Variants in CSPP1 observed in about 807,000 individuals in gnomAD.
The protein encoded by CSPP1 is centrosome and spindle pole-associated protein 1.
In CSPP1, 126 loss-of-function variants were observed where a neutral mutation model predicts 164.4. The ratio of observed to expected loss-of-function variants is 0.77; its 90% CI spans 0.66 to 0.89. The LOEUF (loss-of-function observed/expected upper bound fraction) is 0.89, where lower values mean the gene tolerates loss of function less well. CSPP1 is among the 40% of genes least tolerant of loss of function. The probability of loss-of-function intolerance (pLI) is 0.00; values close to 1 mark genes in which losing one functional copy is unlikely to be tolerated. For missense variants in CSPP1, 1,395 were observed against 1,449.8 expected (o/e 0.96, Z 0.61); for synonymous variants, 472 against 476.7 (o/e 0.99, Z 0.13).
At chr8:67,192,870 C>A (rs535218023) in intron 29 of CSPP1, among the ~76,000 whole-genome samples, 10 of 152,304 alleles carry the variant, frequency 6.6e-5, no homozygotes, top group Non-Finnish European at 1.5e-4. Context: ...TATGTCAGTA[C>A]CACACTGTCT....
intron 15 of CSPP1, among the ~76,000 whole-genome samples, chr8:67,126,270 G>T (rs1820042734): frequency 6.6e-6 from 1 of 152,226 alleles, no homozygotes; most frequent in South Asian, 2.1e-4. Context: ...CGTATGTATG[G>T]CTTATAATTC....
At chr8:67,113,700 T>C in intron 10 of CSPP1, 105 bp from the exon 11 acceptor site, 4 of 580,588 alleles carry the variant, frequency 6.9e-6, no homozygotes, top group Non-Finnish European at 1.2e-5. Flanking sequence ...TTTGTTTTTG[T>C]AGATGTAGTG....
intron 21 of CSPP1, 88 bp from the exon 22 acceptor site, chr8:67,161,723 T>G: frequency 1.5e-6 from 1 of 655,580 alleles, no homozygotes; most frequent in Non-Finnish European, 2.6e-6. Context: ...TTAGATGACT[T>G]TCTTAACTAT....
intron 29 of CSPP1, among the ~76,000 whole-genome samples, chr8:67,191,312 C>T (rs1836172597): frequency 6.6e-6 from 1 of 152,150 alleles, no homozygotes; most frequent in Non-Finnish European, 1.5e-5. Context: ...GTGTGTGTTT[C>T]CTTATATATG....
chr8:67,119,004 C>G (rs995372006), intron 15 of CSPP1, among the ~76,000 whole-genome samples, 183 bp downstream of exon 15: 9 of 152,162 alleles, frequency 5.9e-5, no homozygotes, highest in African/African-American at 1.9e-4. Flanking sequence ...AACTGAAACT[C>G]TATACCCATT....
At chr8:67,139,684 T>C (rs1823092665) in intron 17 of CSPP1, among the ~76,000 whole-genome samples, 1 of 152,226 alleles carries the variant, frequency 6.6e-6, no homozygotes, top group Admixed American at 6.5e-5. Context: ...TGAGTTCATG[T>C]CCTTTGCAGG....
chr8:67,172,590 G>A (rs748420953), intron 25 of CSPP1, 35 bp downstream of exon 25: 1 of 1,571,572 alleles, frequency 6.4e-7, no homozygotes. Context: ...AGATGTAGCA[G>A]AAGTGTTCTA....
chr8:67,075,628 C>A (rs1219139809), intron 2 of CSPP1, among the ~76,000 whole-genome samples: 1 of 152,210 alleles, frequency 6.6e-6, no homozygotes, highest in African/African-American at 2.4e-5. Context: ...GCTTTGACCC[C>A]TGGCAGCCTG....
chr8:67,118,379 C>G lies in CSPP1; in HGVS notation c.1618+10C>G. 1 of 1,613,138 alleles carries G rather than the reference C, an allele frequency of 6.2e-7. No individual in the cohort carries two copies. The highest frequency in any genetic ancestry group is 1.1e-5 in the South Asian group (1 of 90,974). ...CCCAGTCTTGCTTATTGTAAGTTAT[C>G]TATAGGGTAAGCATTTTCTCCCCGC... On this transcript the variant is annotated intron_variant, in intron 14 of 30. Transcript: ENST00000678616.
chr8:67,190,833 T>G lies in CSPP1; in HGVS notation c.3330+74T>G, dbSNP rs1836026257. ...TCTGGGTTCTGACCTGTGCTAAATC[T>G]GTGTGGCCCAATAAAGAGCACTTGC... On this transcript the variant is annotated intron_variant, in intron 29 of 30. Coordinates refer to ENST00000678616, the MANE Select transcript of CSPP1 (RefSeq NM_001382391.1). 3.8e-6 allele frequency: 4 copies of G among 1,063,628 alleles called. No individual in the cohort carries two copies. The Middle Eastern group carries it at 9.0e-4, about 239-fold the overall frequency. The allele number at this position is 1,063,628 out of a possible 1,614,324, so 65.9% of individuals were successfully genotyped here. A position where few individuals can be genotyped will look rare whatever the true frequency, so the allele number is the denominator to read the frequency against.
intron 21 of CSPP1, among the ~76,000 whole-genome samples, chr8:67,159,509 C>CTTTTTTTTTTTTT (rs1172369424): frequency 4.1e-5 from 2 of 48,912 alleles, no homozygotes; most frequent in Non-Finnish European, 8.2e-5. Context: ...TATATGTATT[C>CTTTTTTTTTTTTT]TTTTTTTTTT....
At chr8:67,164,313 TAGTC>T in intron 23 of CSPP1, 74 bp from the exon 24 acceptor site, 1 of 703,334 alleles carries the variant, frequency 1.4e-6, no homozygotes, top group East Asian at 2.5e-5. Context: ...ACTTTATTAT[TAGTC>T]AGGTTGTGTT....
At chr8:67,107,191 G>T (rs965647730) in intron 9 of CSPP1, among the ~76,000 whole-genome samples, 1 of 152,052 alleles carries the variant, frequency 6.6e-6, no homozygotes, top group African/African-American at 2.4e-5. Flanking sequence ...GGAATTACAG[G>T]CATGTGCCAC....
intron 15 of CSPP1, among the ~76,000 whole-genome samples, chr8:67,125,705 C>T (rs1227664785): frequency 6.6e-6 from 1 of 152,162 alleles, no homozygotes; most frequent in African/African-American, 2.4e-5. Context: ...CTTCTGCCTG[C>T]TCGAATGTGC....
intron 3 of CSPP1, among the ~76,000 whole-genome samples, chr8:67,079,055 T>C (rs962360721): frequency 1.3e-5 from 2 of 152,140 alleles, no homozygotes; most frequent in African/African-American, 4.8e-5. Context: ...GAGTTAACAG[T>C]ATAACTGAAA....
At position 67,064,403 on chromosome 8, in the gene CSPP1, T is replaced by A. The variant is rs749476046; in HGVS notation, c.-146T>A. The A allele has an allele frequency of 9.3e-6, 15 of 1,613,582 alleles. No homozygotes were observed. Among genetic ancestry groups the A allele is most frequent in the Admixed American group, 5.0e-5 (3 of 60,000 alleles). On this transcript the variant is annotated 5_prime_UTR_variant, in exon 1 of 31. Transcript: ENST00000678616. ...GCCCCGGCCCGGAGGTCTGTCATGCTGTTCCCGCTCCAGGTGGCCGCTGTA... is the reference window on the plus strand; with the variant it reads ...GCCCCGGCCCGGAGGTCTGTCATGCAGTTCCCGCTCCAGGTGGCCGCTGTA...
At chr8:67,184,973 G>A (rs1462459455) in intron 28 of CSPP1, among the ~76,000 whole-genome samples, 1 of 147,442 alleles carries the variant, frequency 6.8e-6, no homozygotes, top group Non-Finnish European at 1.5e-5. Flanking sequence ...AAAAGGTGGT[G>A]GGCACCTATA....
chr8:67,103,026 G>A lies in CSPP1; in HGVS notation c.924-11G>A, dbSNP rs149756527. 210 of 1,535,290 alleles carry A rather than the reference G, an allele frequency of 1.4e-4. No individual in the cohort carries two copies. The African/African-American group carries it at 2.6e-3, about 19-fold the overall frequency. On this transcript the variant is annotated splice_polypyrimidine_tract_variant and intron_variant, in intron 7 of 30. Coordinates refer to ENST00000678616, the MANE Select transcript of CSPP1 (RefSeq NM_001382391.1). ...TGTGGCACATGCTTTATAAGCTAAT[G>A]TGTTTTTAAGGATGCACAGGAACAA... is the stretch of plus-strand genomic sequence containing the variant.
chr8:67,074,744 G>A (rs1807540551), intron 2 of CSPP1: 1 of 271,092 alleles, frequency 3.7e-6, no homozygotes, highest in Non-Finnish European at 7.0e-6. Context: ...AATTTATTTT[G>A]TACTATTTGT....
Sources: gnomAD v4.1 joint callset for allele counts (sites outside exome capture counted in the v4.1 genomes callset) on GRCh38, gnomAD v4.1.1 for gene constraint, MANE v1.5 for transcripts, NCBI Gene and HGNC (gene_info 2026-07-23, HGNC 2026-07-21) for gene names.